Variants in RARB observed in about 807,000 individuals in gnomAD.
The protein encoded by RARB is retinoic acid receptor beta, also known as HBV-activated protein.
Under a neutral mutation model 51.9 loss-of-function variants are expected in RARB, and 17 were observed. That is an observed-to-expected ratio of 0.33 (90% confidence interval 0.22 to 0.49). The LOEUF (loss-of-function observed/expected upper bound fraction) is 0.49, where lower values mean the gene tolerates loss of function less well. Ranked by LOEUF, RARB falls within the 20% of genes least tolerant of loss-of-function variation. The pLI is 0.99. For synonymous variants in RARB, 215 were observed against 195.4 expected, an observed-to-expected ratio of 1.10 and a Z score of -0.84; for missense variants, 369 against 550.8, an observed-to-expected ratio of 0.67 and a Z score of 3.30.
intron 1 of RARB, among the ~76,000 whole-genome samples, chr3:24,855,688 G>A (rs1017301147): frequency 4.0e-5 from 6 of 150,198 alleles, no homozygotes; most frequent in Non-Finnish European, 7.4e-5. Flanking sequence ...GAAAAATCAC[G>A]ACCTACCACA....
At chr3:24,973,612 G>T (rs1696448272) in intron 2 of RARB, among the ~76,000 whole-genome samples, 1 of 151,862 alleles carries the variant, frequency 6.6e-6, no homozygotes, top group South Asian at 2.1e-4. Context: ...CCACTTTTTT[G>T]CATGTCTTCA....
intron 2 of RARB, among the ~76,000 whole-genome samples, chr3:25,002,244 C>T (rs772921253): frequency 3.3e-5 from 5 of 152,214 alleles, no homozygotes; most frequent in Non-Finnish European, 7.3e-5. Flanking sequence ...GCAGAGCACA[C>T]TTCCCACGTT....
chr3:24,976,184 G>A (rs1009240126), intron 2 of RARB, among the ~76,000 whole-genome samples: 17 of 152,272 alleles, frequency 1.1e-4, no homozygotes, highest in Non-Finnish European at 2.4e-4. Context: ...GGACATTTGG[G>A]TTGGTTCCAA....
At chr3:25,388,789 A>G (rs1261727911) in intron 5 of RARB, among the ~76,000 whole-genome samples, 2 of 152,316 alleles carry the variant, frequency 1.3e-5, no homozygotes, top group African/African-American at 4.8e-5. Flanking sequence ...AATGTTCACA[A>G]GTGTGTGGGG....
At chr3:24,831,644 G>T (rs188748567) in intron 1 of RARB, among the ~76,000 whole-genome samples, 58 of 149,952 alleles carry the variant, frequency 3.9e-4, no homozygotes, top group African/African-American at 1.4e-3. Context: ...TAGATATGGT[G>T]GGGGGGAACT....
chr3:25,443,461 T>G (rs1708790139), intron 1 of RARB, among the ~76,000 whole-genome samples: 1 of 149,680 alleles, frequency 6.7e-6, no homozygotes, highest in Admixed American at 6.7e-5. Context: ...GTGAAGAAAG[T>G]AAATAAAAAT....
In RARB at chr3:24,956,318, T is replaced by G. The variant is rs140048192; in HGVS notation, c.-380+97566T>G. Among the ~76,000 whole-genome samples, 1,345 of 152,276 alleles carry G rather than the reference T, an allele frequency of 8.8e-3. 16 individuals are homozygous for G. The highest frequency in any genetic ancestry group is 0.031 in the African/African-American group (1,287 of 41,538). ...TTTGTCAAATGTGTATAATAATATC[T>G]TCATCATGAATGAGAATGTTATTTA... is the stretch of plus-strand genomic sequence containing the variant. On this transcript the variant is annotated intron_variant, in intron 2 of 11. Coordinates refer to the RARB transcript ENST00000383772.
chr3:24,897,143 C>T (rs1703494475), intron 2 of RARB, among the ~76,000 whole-genome samples: 2 of 152,302 alleles, frequency 1.3e-5, no homozygotes, highest in African/African-American at 2.4e-5. Context: ...CCTGTCTCTC[C>T]TCCTCCATAA....
intron 5 of RARB, among the ~76,000 whole-genome samples, chr3:25,215,838 C>T (rs1382327440): frequency 6.6e-6 from 1 of 152,190 alleles, no homozygotes; most frequent in Admixed American, 6.5e-5. Context: ...TGGAGCCACA[C>T]TCTGTGATTC....
At position 24,850,014 on chromosome 3, in the gene RARB, G is replaced by A. The variant is rs139309792; in HGVS notation, c.-458-8660G>A. ...ACATTTCTCGCAGTTCTGAAGGCTG[G>A]GAAGTTCAAGACCAAGATGATTGCA... On this transcript the variant is annotated intron_variant, in intron 1 of 11. Coordinates refer to the RARB transcript ENST00000383772. 6.6e-4 allele frequency among the ~76,000 whole-genome samples: 100 copies of A among 152,248 alleles called. No homozygotes were observed. In the Middle Eastern group the frequency reaches 0.014, roughly 21 times the overall value.
chr3:24,947,247 T>A (rs1004763945), intron 2 of RARB, among the ~76,000 whole-genome samples: 20 of 152,218 alleles, frequency 1.3e-4, no homozygotes, highest in African/African-American at 4.3e-4. Context: ...AAAATATGAA[T>A]GTACTGGGAA....
chr3:25,001,785 C>T (rs1697166154), intron 2 of RARB, among the ~76,000 whole-genome samples: 1 of 152,154 alleles, frequency 6.6e-6, no homozygotes, highest in African/African-American at 2.4e-5. Flanking sequence ...TTACTTACAG[C>T]ACTTTGATCA....
intron 5 of RARB, among the ~76,000 whole-genome samples, chr3:25,335,946 G>C (rs1705049405): frequency 6.6e-6 from 1 of 152,038 alleles, no homozygotes. Context: ...TCATTTATTT[G>C]AGTATTATCC....
At chr3:25,192,170 C>A (rs180878557) in intron 5 of RARB, among the ~76,000 whole-genome samples, 2 of 151,946 alleles carry the variant, frequency 1.3e-5, no homozygotes, top group Non-Finnish European at 2.9e-5. Context: ...GAATGAGAAA[C>A]CTTGTTGGTA....
In RARB at chr3:25,105,422, CAA is replaced by C. The variant is rs755388268; in HGVS notation, c.-327-26722_-327-26721del. On this transcript the variant is annotated intron_variant, in intron 3 of 11. Coordinates refer to the RARB transcript ENST00000383772. ...GACAGCTGTTTAGTGTATACATGTG[CAA>C]AAAAAAAAAAAAAAAAGAAGATTTG... Among the ~76,000 whole-genome samples the C allele has an allele frequency of 1.0e-3, 52 of 52,036 alleles. 1 individual carries two copies. Among genetic ancestry groups the C allele is most frequent in the African/African-American group, 5.1e-4 (7 of 13,654 alleles). The allele number at this position is 52,036 out of a possible 152,430, so 34.1% of individuals were successfully genotyped here.
intron 2 of RARB, among the ~76,000 whole-genome samples, chr3:25,493,859 A>G (rs1696871201): frequency 6.6e-6 from 1 of 152,188 alleles, no homozygotes; most frequent in East Asian, 1.9e-4. Flanking sequence ...CACATGTTAA[A>G]CCTGATATCA....
At chr3:25,047,720 A>C (rs139557546) in intron 2 of RARB, among the ~76,000 whole-genome samples, 153 of 152,242 alleles carry the variant, frequency 1.0e-3, no homozygotes, top group Non-Finnish European at 1.9e-3. Context: ...AACAAATTTG[A>C]ACCTAAGTCC....
chr3:25,370,675 G>A (rs1362035556), intron 5 of RARB, among the ~76,000 whole-genome samples: 1 of 152,200 alleles, frequency 6.6e-6, no homozygotes, highest in Non-Finnish European at 1.5e-5. Flanking sequence ...AGGAGAGGAG[G>A]CAGAGGCCAA....
intron 3 of RARB, among the ~76,000 whole-genome samples, chr3:25,527,698 G>A (rs977506162): frequency 6.6e-6 from 1 of 152,100 alleles, no homozygotes. Context: ...GGTTTTTTGA[G>A]GTTTTCGAGG....
Sources: allele counts gnomAD v4.1 joint callset (sites outside exome capture counted in the v4.1 genomes callset), GRCh38; gene constraint gnomAD v4.1.1; transcripts MANE v1.5; gene names NCBI Gene and HGNC (gene_info 2026-07-23, HGNC 2026-07-21).